KCNQ3: variants seen among roughly 807,000 people sequenced by gnomAD.
KCNQ3 encodes potassium voltage-gated channel subfamily Q member 3, also known as potassium voltage-gated channel subfamily KQT member 3.
KCNQ3 carries 30 observed loss-of-function variants against 92.5 expected under a neutral mutation model. The observed-to-expected ratio is 0.32, with a 90% confidence interval of 0.24 to 0.44. The LOEUF is 0.44. KCNQ3 is among the 20% of genes least tolerant of loss of function. The pLI is 1.00. For missense variants in KCNQ3, 913 were observed against 1,140.3 expected, an observed-to-expected ratio of 0.80 and a Z score of 2.87; for synonymous variants, 450 against 468.8, an observed-to-expected ratio of 0.96 and a Z score of 0.52.
rs567515528 is a variant in KCNQ3, at chr8:132,476,966, C to T, written c.386+3181G>A. ...CTGAATCATGTGGGCATATTTTCCC[C>T]TTGCTCTTCTCCTGATAGAAGTTTC... On this transcript the variant is annotated intron_variant, in intron 1 of 14. Coordinates refer to ENST00000388996, the MANE Select transcript of KCNQ3 (RefSeq NM_004519.4). 2.0e-5 allele frequency among the ~76,000 whole-genome samples: 3 copies of T among 152,240 alleles called. No individual in the cohort carries two copies. The East Asian group carries it at 5.8e-4, about 29-fold the overall frequency.
chr8:132,182,505 G>A (rs547969220), intron 3 of KCNQ3, among the ~76,000 whole-genome samples: 29 of 152,356 alleles, frequency 1.9e-4, no homozygotes, highest in South Asian at 1.0e-3. Context: ...CCCCAGGGAG[G>A]GTGGAGGGGG....
In KCNQ3 at chr8:132,172,397, TACAC is replaced by T. The variant is rs35831322; in HGVS notation, c.1140+197_1140+200del. ...GCCTGCTCCTGCCTGGGCACATTAATACACACACACACACACACACACACACACA... is the reference window on the plus strand; with the variant it reads ...GCCTGCTCCTGCCTGGGCACATTAATACACACACACACACACACACACACA... On this transcript the variant is annotated intron_variant, in intron 7 of 14. Coordinates refer to ENST00000388996, the MANE Select transcript of KCNQ3 (RefSeq NM_004519.4). 0.043 allele frequency among the ~76,000 whole-genome samples: 6,012 copies of T among 140,222 alleles called. 183 individuals are homozygous for T. The highest frequency in any genetic ancestry group is 0.093 in the African/African-American group (3,525 of 38,078). 92.0% of individuals were successfully genotyped at this position (140,222 alleles called of 152,430 possible).
intron 1 of KCNQ3, among the ~76,000 whole-genome samples, chr8:132,301,357 G>A (rs943813726): frequency 6.6e-6 from 1 of 151,974 alleles, no homozygotes; most frequent in Admixed American, 6.6e-5. Flanking sequence ...CAGCCACCAT[G>A]GCCACCCTCC....
At chr8:132,138,146 C>A in intron 11 of KCNQ3, 130 bp from the exon 12 acceptor site, 1 of 1,061,712 alleles carries the variant, frequency 9.4e-7, no homozygotes, top group Admixed American at 1.9e-5. Context: ...GAAGAACTTC[C>A]AACGTTTGGT....
chr8:132,222,501 A>G (rs1814271068), intron 1 of KCNQ3, among the ~76,000 whole-genome samples: 1 of 152,204 alleles, frequency 6.6e-6, no homozygotes, highest in Non-Finnish European at 1.5e-5. Flanking sequence ...GAGAAGAGTG[A>G]GTTTAGGGTA....
chr8:132,395,613 G>A (rs1444420808), intron 1 of KCNQ3, among the ~76,000 whole-genome samples: 3 of 152,234 alleles, frequency 2.0e-5, no homozygotes, highest in African/African-American at 7.2e-5. Flanking sequence ...TTCAGTCACA[G>A]AGTAACAACA....
At chr8:132,433,583 T>C (rs1296482341) in intron 1 of KCNQ3, among the ~76,000 whole-genome samples, 2 of 152,210 alleles carry the variant, frequency 1.3e-5, no homozygotes, top group African/African-American at 4.8e-5. Flanking sequence ...TTTTTGTTAG[T>C]ATAGATTTTA....
At position 132,480,633 on chromosome 8, in the gene KCNQ3, C is replaced by G. The variant is rs1164193641; in HGVS notation, c.-101G>C. ...GAGGCGGCGGCGGCGGCTGCAAGCC[C>G]GGGAACTCCAATGCCATGATCCGCG... On this transcript the variant is annotated 5_prime_UTR_variant, in exon 1 of 15. Coordinates refer to ENST00000388996, the MANE Select transcript of KCNQ3 (RefSeq NM_004519.4). The G allele has an allele frequency of 2.6e-6, 3 of 1,161,654 alleles. No individual in the cohort carries two copies. Among genetic ancestry groups the G allele is most frequent in the South Asian group, 3.6e-5 (2 of 56,210 alleles). The allele number at this position is 1,161,654 out of a possible 1,614,324, so 72.0% of individuals were successfully genotyped here.
chr8:132,288,573 G>T (rs1162953125), intron 1 of KCNQ3, among the ~76,000 whole-genome samples: 4 of 152,120 alleles, frequency 2.6e-5, no homozygotes, highest in Non-Finnish European at 5.9e-5. Flanking sequence ...CATCAAGGCT[G>T]AGACTGTCAT....
At chr8:132,261,612 C>A (rs1815789727) in intron 1 of KCNQ3, among the ~76,000 whole-genome samples, 1 of 152,146 alleles carries the variant, frequency 6.6e-6, no homozygotes, top group Non-Finnish European at 1.5e-5. Flanking sequence ...TCAGTGGGGA[C>A]CAAGCTGGCA....
intron 1 of KCNQ3, among the ~76,000 whole-genome samples, chr8:132,325,584 T>A (rs1330131340): frequency 6.6e-6 from 1 of 152,024 alleles, no homozygotes; most frequent in African/African-American, 2.4e-5. Context: ...AACACAGACA[T>A]AAACAGAGGA....
intron 1 of KCNQ3, among the ~76,000 whole-genome samples, chr8:132,403,994 C>T (rs1034803070): frequency 3.9e-5 from 6 of 152,176 alleles, no homozygotes; most frequent in African/African-American, 1.4e-4. Flanking sequence ...AATCACTTCT[C>T]CCTGAATCTC....
intron 8 of KCNQ3, among the ~76,000 whole-genome samples, chr8:132,168,886 G>A (rs1318619155): frequency 6.6e-6 from 1 of 151,674 alleles, no homozygotes; most frequent in Admixed American, 6.6e-5. Context: ...AACTTGCTTT[G>A]AGGCAGGTTC....
At chr8:132,396,026 G>T (rs1009796423) in intron 1 of KCNQ3, among the ~76,000 whole-genome samples, 1 of 152,134 alleles carries the variant, frequency 6.6e-6, no homozygotes, top group Non-Finnish European at 1.5e-5. Context: ...CTCTAATTTC[G>T]GTTTCCTCAT....
intron 1 of KCNQ3, among the ~76,000 whole-genome samples, chr8:132,387,843 A>G (rs1235740248): frequency 6.6e-6 from 1 of 152,008 alleles, no homozygotes; most frequent in Admixed American, 6.6e-5. Context: ...TCTACAAAAA[A>G]AATTTTTTTA....
At chr8:132,375,491 G>A (rs1017166115) in intron 1 of KCNQ3, among the ~76,000 whole-genome samples, 2 of 152,140 alleles carry the variant, frequency 1.3e-5, no homozygotes, top group South Asian at 2.1e-4. Flanking sequence ...GTGAGAATGC[G>A]ACTGAAAAGG....
At chr8:132,246,356 T>C (rs1291161421) in intron 1 of KCNQ3, among the ~76,000 whole-genome samples, 1 of 152,166 alleles carries the variant, frequency 6.6e-6, no homozygotes, top group Non-Finnish European at 1.5e-5. Context: ...AAGCAGCAAA[T>C]TTATGAAGAA....
At chr8:132,209,162 A>G (rs1031438119) in intron 1 of KCNQ3, among the ~76,000 whole-genome samples, 5 of 152,126 alleles carry the variant, frequency 3.3e-5, no homozygotes, top group African/African-American at 1.2e-4. Context: ...GAGCAATTCT[A>G]ACAGGGTCCA....
intron 1 of KCNQ3, among the ~76,000 whole-genome samples, chr8:132,210,650 G>T (rs1254255051): frequency 6.6e-6 from 1 of 152,122 alleles, no homozygotes; most frequent in African/African-American, 2.4e-5. Context: ...GGTTCGACTG[G>T]GGAAGAACCT....
Sources: gnomAD v4.1 joint callset for allele counts (sites outside exome capture counted in the v4.1 genomes callset) on GRCh38, gnomAD v4.1.1 for gene constraint, MANE v1.5 for transcripts, NCBI Gene and HGNC (gene_info 2026-07-23, HGNC 2026-07-21) for gene names.